Variants in FOXP2 observed in about 807,000 individuals in gnomAD.
FOXP2 encodes the protein forkhead box protein P2.
Under a neutral mutation model 115.8 loss-of-function variants are expected in FOXP2, and 12 were observed. The ratio of observed to expected loss-of-function variants is 0.10; its 90% CI spans 0.07 to 0.17. FOXP2 has a LOEUF of 0.17. Among genes scored for constraint, FOXP2 ranks in the 10% least tolerant of loss-of-function variants. The probability of loss-of-function intolerance (pLI) is 1.00; values close to 1 mark genes in which losing one functional copy is unlikely to be tolerated. For synonymous variants in FOXP2, 328 were observed against 297.7 expected, an observed-to-expected ratio of 1.10 and a Z score of -1.05; for missense variants, 629 against 843.5, an observed-to-expected ratio of 0.75 and a Z score of 3.15.
chr7:114,663,562 C>CTTTTTTTTTTTTTTTTTTTT, intron 15 of FOXP2, 43 bp downstream of exon 15: 1 of 1,042,978 alleles, frequency 9.6e-7, no homozygotes, highest in Non-Finnish European at 1.4e-6. Context: ...ATGTTTAGGG[C>CTTTTTTTTTTTTTTTTTTTT]TTTTTTTTTT....
intron 2 of FOXP2, among the ~76,000 whole-genome samples, chr7:114,353,359 T>TTTTC: frequency 9.0e-6 from 1 of 110,896 alleles, no homozygotes; most frequent in African/African-American, 3.1e-5. Context: ...TTTTTTTTTT[T>TTTTC]CACAGCTCTA....
At chr7:114,255,188 G>A (rs1562839424) in intron 1 of FOXP2, among the ~76,000 whole-genome samples, 1 of 51,810 alleles carries the variant, frequency 1.9e-5, no homozygotes, top group Non-Finnish European at 3.5e-5. Flanking sequence ...CGTGTGAGAT[G>A]TCAGTCTGCC....
chr7:114,274,944 T>G (rs1412544004), intron 1 of FOXP2, among the ~76,000 whole-genome samples: 3 of 152,022 alleles, frequency 2.0e-5, no homozygotes, highest in African/African-American at 7.2e-5. Flanking sequence ...CTACCATGCT[T>G]GGCCCCTCTC....
intron 2 of FOXP2, among the ~76,000 whole-genome samples, chr7:114,523,169 G>T (rs1018097126): frequency 6.6e-6 from 1 of 152,056 alleles, no homozygotes; most frequent in African/African-American, 2.4e-5. Context: ...ATTGTAAACT[G>T]GGAAGAAGGA....
chr7:114,324,745 AC>A (rs984500196), intron 2 of FOXP2, among the ~76,000 whole-genome samples: 7 of 151,904 alleles, frequency 4.6e-5, no homozygotes, highest in Admixed American at 3.9e-4. Context: ...TTGCTTAGGA[AC>A]CTTTTAATAC....
chr7:114,146,955 G>C (rs1428031244), intron 1 of FOXP2, among the ~76,000 whole-genome samples: 1 of 152,126 alleles, frequency 6.6e-6, no homozygotes, highest in Non-Finnish European at 1.5e-5. Context: ...CAGTTGTATA[G>C]ATGAATAATC....
intron 2 of FOXP2, among the ~76,000 whole-genome samples, chr7:114,393,531 G>A (rs574005973): frequency 9.3e-4 from 141 of 152,072 alleles, no homozygotes; most frequent in Admixed American, 1.2e-3. Flanking sequence ...AATTAGAGCC[G>A]GAGTAGGCTG....
intron 13 of FOXP2, 198 bp from the exon 14 acceptor site, chr7:114,661,867 T>C: frequency 3.3e-6 from 2 of 598,030 alleles, no homozygotes; most frequent in Non-Finnish European, 5.7e-6. Context: ...GAAGGTTCTC[T>C]TATCACAAAG....
intron 5 of FOXP2, chr7:114,631,181 C>T (rs1341291381): frequency 9.8e-6 from 3 of 307,468 alleles, no homozygotes; most frequent in South Asian, 3.8e-5. Context: ...AAAAGTGTGT[C>T]GTAGAAGTTG....
At chr7:114,318,502 A>G (rs1362744766) in intron 2 of FOXP2, among the ~76,000 whole-genome samples, 1 of 151,746 alleles carries the variant, frequency 6.6e-6, no homozygotes, top group Non-Finnish European at 1.5e-5. Context: ...GAACAAAACA[A>G]AATCCTCACA....
intron 2 of FOXP2, among the ~76,000 whole-genome samples, chr7:114,463,845 C>A (rs1206427847): frequency 1.3e-5 from 2 of 152,074 alleles, no homozygotes; most frequent in Admixed American, 6.5e-5. Context: ...CAAGTGTCCT[C>A]ATATTCAGAG....
At chr7:114,498,093 T>C (rs1195295908) in intron 2 of FOXP2, among the ~76,000 whole-genome samples, 1 of 152,214 alleles carries the variant, frequency 6.6e-6, no homozygotes, top group African/African-American at 2.4e-5. Flanking sequence ...TAAATCTTAA[T>C]TACCACCTCT....
intron 1 of FOXP2, among the ~76,000 whole-genome samples, chr7:114,138,651 G>A (rs557055626): frequency 3.5e-4 from 53 of 152,048 alleles, no homozygotes; most frequent in African/African-American, 1.2e-3. Context: ...TCATCCTTCC[G>A]AAGTGCTGGG....
At chr7:114,606,908 T>G (rs1221844603) in intron 3 of FOXP2, among the ~76,000 whole-genome samples, 1 of 152,234 alleles carries the variant, frequency 6.6e-6, no homozygotes, top group African/African-American at 2.4e-5. Flanking sequence ...TTTTTTGTAC[T>G]GTTGCCCCAT....
At chr7:114,541,703 A>G (rs890309147) in intron 3 of FOXP2, among the ~76,000 whole-genome samples, 7 of 151,602 alleles carry the variant, frequency 4.6e-5, no homozygotes, top group Non-Finnish European at 8.8e-5. Context: ...TGTTGCATAT[A>G]TAATACTGAA....
At chr7:114,645,140 A>G (rs1352550497) in intron 8 of FOXP2, 2 of 82,902 alleles carry the variant, frequency 2.4e-5, no homozygotes, top group African/African-American at 6.6e-5. Flanking sequence ...ATATATATAT[A>G]TATATATATA....
At chr7:114,249,793 G>GT (rs887536445) in intron 1 of FOXP2, among the ~76,000 whole-genome samples, 6 of 150,630 alleles carry the variant, frequency 4.0e-5, no homozygotes, top group East Asian at 2.0e-4. Context: ...GTTTTTTTTT[G>GT]TTTTTTTGTT....
intron 1 of FOXP2, among the ~76,000 whole-genome samples, chr7:114,149,851 A>G (rs1314419383): frequency 1.3e-5 from 2 of 152,064 alleles, no homozygotes; most frequent in African/African-American, 4.8e-5. Flanking sequence ...TTGAAATACT[A>G]AGGACATGGT....
At chr7:114,101,249 G>C (rs1213616483) in intron 1 of FOXP2, among the ~76,000 whole-genome samples, 4 of 152,128 alleles carry the variant, frequency 2.6e-5, no homozygotes, top group Non-Finnish European at 4.4e-5. Flanking sequence ...GGTATTCCAA[G>C]GCTGTTTTTT....
Sources: gnomAD v4.1 joint callset for allele counts (sites outside exome capture counted in the v4.1 genomes callset) on GRCh38, gnomAD v4.1.1 for gene constraint, MANE v1.5 for transcripts, NCBI Gene and HGNC (gene_info 2026-07-23, HGNC 2026-07-21) for gene names.